TMTC2: variants seen among roughly 807,000 people sequenced by gnomAD.
TMTC2 encodes transmembrane O-mannosyltransferase targeting cadherins 2.
In TMTC2, 43 loss-of-function variants were observed where a neutral mutation model predicts 82.4. The ratio of observed to expected loss-of-function variants is 0.52; its 90% CI spans 0.41 to 0.67. The LOEUF is 0.67. TMTC2 is among the 30% of genes least tolerant of loss of function. The probability of loss-of-function intolerance (pLI) is 0.00; values close to 1 mark genes in which losing one functional copy is unlikely to be tolerated. For synonymous variants in TMTC2, 408 were observed against 381.9 expected (o/e 1.07, Z -0.80); for missense variants, 919 against 1,012.4 (o/e 0.91, Z 1.25).
chr12:83,044,780 A>G (rs7976168), intron 9 of TMTC2, among the ~76,000 whole-genome samples: 47,559 of 152,166 alleles, frequency 0.31, 7,541 homozygotes, highest in East Asian at 0.46. Context: ...TCTAAAGAGA[A>G]TTGTATCATG....
At chr12:82,948,377 A>C (rs955700) in intron 4 of TMTC2, among the ~76,000 whole-genome samples, 1 of 102,704 alleles carries the variant, frequency 9.7e-6, no homozygotes, top group Non-Finnish European at 2.3e-5. Context: ...TTTAAACAAA[A>C]AAAAAAAAGA....
chr12:82,879,432 A>C (rs1565790416), intron 2 of TMTC2, among the ~76,000 whole-genome samples: 1 of 152,206 alleles, frequency 6.6e-6, no homozygotes, highest in Non-Finnish European at 1.5e-5. Flanking sequence ...TGCAGTTCAC[A>C]ATAGGGTTCC....
At position 83,061,824 on chromosome 12, in the gene TMTC2, G is replaced by A. The variant is rs544966143; in HGVS notation, c.2324G>A (p.Arg775Lys). The change falls in exon 11 of 12, where the codon AGG becomes AAG. Residue 775 changes from arginine (R) to lysine (K), a missense_variant. By Grantham distance (26) the Arg-to-Lys change is conservative. Coordinates refer to ENST00000321196, the MANE Select transcript of TMTC2 (RefSeq NM_152588.3). ...TATTATGATCTGGCAGCCAGGCTGA[G>A]GCCTAATGTAAGTACTTCCCTAATG... Reference protein sequence around the residue: ...EKYYDLAARLRPNYPAALMNL... With the variant: ...EKYYDLAARLKPNYPAALMNL... 1 of 1,595,408 alleles carries A rather than the reference G, an allele frequency of 6.3e-7. No individual in the cohort carries two copies. The highest frequency in any genetic ancestry group is 8.5e-7 in the Non-Finnish European group (1 of 1,171,144).
intron 9 of TMTC2, among the ~76,000 whole-genome samples, chr12:83,050,538 T>G (rs1882306789): frequency 6.6e-6 from 1 of 152,154 alleles, no homozygotes; most frequent in African/African-American, 2.4e-5. Context: ...GAAATGCATA[T>G]TCATCAATAT....
intron 1 of TMTC2, among the ~76,000 whole-genome samples, chr12:82,777,123 G>A (rs776233070): frequency 2.6e-5 from 4 of 152,068 alleles, no homozygotes; most frequent in Non-Finnish European, 4.4e-5. Flanking sequence ...GAAGTCTCTG[G>A]TCACACCCTT....
At chr12:82,868,268 A>G (rs1179959518) in intron 2 of TMTC2, among the ~76,000 whole-genome samples, 1 of 152,182 alleles carries the variant, frequency 6.6e-6, no homozygotes, top group Non-Finnish European at 1.5e-5. Context: ...CTAGAACCAT[A>G]TAGAGTAGTT....
intron 8 of TMTC2, among the ~76,000 whole-genome samples, chr12:83,000,873 G>T (rs370978275): frequency 6.6e-6 from 1 of 152,104 alleles, no homozygotes; most frequent in Non-Finnish European, 1.5e-5. Flanking sequence ...CTTGACTTCC[G>T]TGCACCTGCA....
intron 7 of TMTC2, among the ~76,000 whole-genome samples, chr12:82,985,259 C>A (rs1042844170): frequency 6.6e-6 from 1 of 151,892 alleles, no homozygotes; most frequent in South Asian, 2.1e-4. Flanking sequence ...ACCATGTTGC[C>A]CAGGCTGGTC....
rs535272451 is a variant in TMTC2, at chr12:83,068,588, A to T, written c.2331+6757A>T. ...CTCCTGACTTTTAGGCATTGATTTT[A>T]TGTGGATCCCACAATCACCAGATTG... On this transcript the variant is annotated intron_variant, in intron 11 of 11. Transcript: ENST00000321196. Among the ~76,000 whole-genome samples, 13 of 152,268 alleles carry T rather than the reference A, an allele frequency of 8.5e-5. No individual in the cohort carries two copies. In the East Asian group the frequency reaches 2.3e-3, roughly 27 times the overall value.
intron 2 of TMTC2, among the ~76,000 whole-genome samples, chr12:82,895,357 T>A (rs1041195833): frequency 6.6e-6 from 1 of 152,178 alleles, no homozygotes; most frequent in Non-Finnish European, 1.5e-5. Context: ...ATACCACATA[T>A]TTTTTGACAT....
intron 8 of TMTC2, among the ~76,000 whole-genome samples, chr12:83,001,809 T>G (rs1277374997): frequency 2.0e-5 from 3 of 152,094 alleles, no homozygotes; most frequent in Non-Finnish European, 4.4e-5. Context: ...AAGTTCCTCA[T>G]CTCCATCTGA....
intron 1 of TMTC2, among the ~76,000 whole-genome samples, chr12:82,853,659 ATT>A (rs1871103262): frequency 6.6e-6 from 1 of 152,168 alleles, no homozygotes; most frequent in Non-Finnish European, 1.5e-5. Context: ...GGAAAAGATG[ATT>A]CTTCATTCTT....
At chr12:82,717,217 ACTT>A in intron 1 of TMTC2, among the ~76,000 whole-genome samples, 1 of 141,048 alleles carries the variant, frequency 7.1e-6, no homozygotes, top group Middle Eastern at 3.7e-3. Flanking sequence ...GGCAAAAGGC[ACTT>A]TTTTTTTTTT....
At chr12:82,705,944 GAAGGAGGC>G (rs1241963981) in intron 1 of TMTC2, among the ~76,000 whole-genome samples, 1 of 152,140 alleles carries the variant, frequency 6.6e-6, no homozygotes, top group African/African-American at 2.4e-5. Context: ...GACTGGGAGG[GAAGGAGGC>G]ACTTGTGAGA....
chr12:82,874,038 G>A (rs1190108754), intron 2 of TMTC2, among the ~76,000 whole-genome samples: 1 of 152,204 alleles, frequency 6.6e-6, no homozygotes, highest in East Asian at 1.9e-4. Context: ...TAAGACAGTT[G>A]CTGATTTACA....
chr12:82,697,499 A>G (rs1872868701), intron 1 of TMTC2, among the ~76,000 whole-genome samples: 1 of 152,148 alleles, frequency 6.6e-6, no homozygotes, highest in African/African-American at 2.4e-5. Flanking sequence ...TGGATTAAAA[A>G]TGGTTGAGTA....
chr12:82,871,988 CA>C (rs1872206853), intron 2 of TMTC2, among the ~76,000 whole-genome samples: 2 of 146,756 alleles, frequency 1.4e-5, no homozygotes, highest in African/African-American at 5.2e-5. Flanking sequence ...CTCCATATTA[CA>C]AAAAAGTTGA....
At chr12:82,689,114 T>G (rs1295819916) in intron 1 of TMTC2, among the ~76,000 whole-genome samples, 1 of 152,208 alleles carries the variant, frequency 6.6e-6, no homozygotes, top group Non-Finnish European at 1.5e-5. Flanking sequence ...AGGAGTGAGG[T>G]AAATTTCTGT....
chr12:82,883,471 T>C (rs61931360), intron 2 of TMTC2, among the ~76,000 whole-genome samples: 12,908 of 152,232 alleles, frequency 0.085, 678 homozygotes, highest in Admixed American at 0.11. Flanking sequence ...TAAATAGCTG[T>C]CTATTATGGT....
Sources: allele counts gnomAD v4.1 joint callset (sites outside exome capture counted in the v4.1 genomes callset), GRCh38; gene constraint gnomAD v4.1.1; transcripts MANE v1.5; gene names NCBI Gene and HGNC (gene_info 2026-07-23, HGNC 2026-07-21).